The following ETV1 variants were observed in gnomAD, a reference collection of about 807,000 sequenced individuals.
The protein encoded by ETV1 is ETS variant transcription factor 1.
Under a neutral mutation model 62.3 loss-of-function variants are expected in ETV1, and 27 were observed. That is an observed-to-expected ratio of 0.43 (90% CI 0.32 to 0.60). The LOEUF (loss-of-function observed/expected upper bound fraction) is 0.60, where lower values mean the gene tolerates loss of function less well. ETV1 is among the 20% of genes least tolerant of loss of function. ETV1 has a pLI of 0.06. For synonymous variants in ETV1, 222 were observed against 199.6 expected (o/e 1.11, Z -0.94); for missense variants, 605 against 605.8 (o/e 1.00, Z 0.01).
chr7:13,979,813 G>C (rs562427375), intron 5 of ETV1, among the ~76,000 whole-genome samples: 13 of 152,194 alleles, frequency 8.5e-5, no homozygotes, highest in Middle Eastern at 6.8e-3. Context: ...GAATATGATG[G>C]TATGAATGTT....
chr7:13,988,703 C>T, intron 3 of ETV1: 2 of 1,612,434 alleles, frequency 1.2e-6, no homozygotes, highest in Non-Finnish European at 1.7e-6. Context: ...ATGTGGCAGA[C>T]AAACCCAGCC....
rs540394450 is a variant in ETV1 at position 13,897,405 on chromosome 7, A to G, written c.1213-1318T>C. On this transcript the variant is annotated intron_variant, in intron 13 of 13. Transcript: ENST00000430479. ...ATGCTGCTGCTCTGAATTCAAATTT[A>G]GAACATTTTTTGTTTCTTTTGCCCT... Among the ~76,000 whole-genome samples, 11 of 152,358 alleles carry G rather than the reference A, an allele frequency of 7.2e-5. No homozygotes were observed. The South Asian group carries it at 8.3e-4, about 11-fold the overall frequency.
rs1224156507 is a variant in ETV1 at position 13,986,296 on chromosome 7, A to C, written c.181+342T>G. 3 of 1,506,732 alleles carry C rather than the reference A, an allele frequency of 2.0e-6. No homozygotes were observed. In the East Asian group the frequency reaches 7.4e-5, roughly 37 times the overall value. The allele number at this position is 1,506,732 out of a possible 1,614,324, so 93.3% of individuals were successfully genotyped here. A position where few individuals can be genotyped will look rare whatever the true frequency, so the allele number is the denominator to read the frequency against. On this transcript the variant is annotated intron_variant, in intron 5 of 13. Transcript: ENST00000430479. ...AGCAAGCCAGCCGGGTTCTGGCTCT[A>C]GGAGGTCTCTGGAGGTACAATAATA...
intron 8 of ETV1, among the ~76,000 whole-genome samples, chr7:13,935,021 C>T (rs893523091): frequency 2.6e-5 from 4 of 152,144 alleles, no homozygotes; most frequent in Non-Finnish European, 4.4e-5. Context: ...ATCTCAGAAC[C>T]TCTACAGGTT....
At chr7:13,899,534 T>C (rs1782196825) in intron 13 of ETV1, among the ~76,000 whole-genome samples, 5 of 152,210 alleles carry the variant, frequency 3.3e-5, no homozygotes, top group African/African-American at 4.8e-5. Context: ...GCAACTGGTC[T>C]AGTTTTTCTG....
chr7:13,908,156 T>A (rs977809106), intron 11 of ETV1, among the ~76,000 whole-genome samples: 2 of 152,154 alleles, frequency 1.3e-5, no homozygotes, highest in Admixed American at 6.5e-5. Flanking sequence ...TTTCTTCTTG[T>A]TCTACATTAC....
chr7:13,900,168 T>C (rs1329328942), intron 13 of ETV1, among the ~76,000 whole-genome samples: 2 of 152,206 alleles, frequency 1.3e-5, no homozygotes, highest in East Asian at 3.9e-4. Flanking sequence ...TCAAATATTA[T>C]GGGAAGCTCA....
At chr7:13,983,977 T>C (rs1210865162) in intron 5 of ETV1, among the ~76,000 whole-genome samples, 3 of 151,826 alleles carry the variant, frequency 2.0e-5, no homozygotes, top group Non-Finnish European at 4.4e-5. Flanking sequence ...GACTAATCCA[T>C]ATGTTGCATT....
chr7:13,986,733 T>A, intron 4 of ETV1, 48 bp from the exon 5 acceptor site: 1 of 1,259,306 alleles, frequency 7.9e-7, no homozygotes, highest in Non-Finnish European at 1.1e-6. Context: ...AAATCTTTAA[T>A]CTTCATTAAA....
chr7:13,949,290 T>C (rs1788524238), intron 6 of ETV1, among the ~76,000 whole-genome samples: 1 of 152,162 alleles, frequency 6.6e-6, no homozygotes, highest in Non-Finnish European at 1.5e-5. Context: ...ATATATGTAG[T>C]TAGGAATACA....
chr7:13,933,607 C>T (rs1483959689), intron 8 of ETV1, among the ~76,000 whole-genome samples: 1 of 152,108 alleles, frequency 6.6e-6, no homozygotes, highest in Non-Finnish European at 1.5e-5. Context: ...GGGTGCCTGG[C>T]TGGAGGGGGT....
intron 6 of ETV1, among the ~76,000 whole-genome samples, chr7:13,962,712 T>A (rs1418115587): frequency 6.6e-6 from 1 of 152,106 alleles, no homozygotes; most frequent in African/African-American, 2.4e-5. Flanking sequence ...AGCACAAGCA[T>A]AAAGATTTTC....
chr7:13,945,409 T>A (rs536641721), intron 6 of ETV1, among the ~76,000 whole-genome samples: 133 of 152,086 alleles, frequency 8.7e-4, no homozygotes, highest in Non-Finnish European at 1.4e-3. Context: ...GTTCAACCTA[T>A]GTGGGCCTCA....
chr7:13,976,971 T>C (rs1022215750), intron 6 of ETV1, among the ~76,000 whole-genome samples: 3 of 152,176 alleles, frequency 2.0e-5, no homozygotes, highest in Non-Finnish European at 4.4e-5. Flanking sequence ...AATACTACAA[T>C]AAGCCAATGA....
upstream of ETV1, chr7:13,990,377 T>G (rs1299170167): frequency 6.6e-6 from 1 of 152,168 alleles, no homozygotes; most frequent in African/African-American, 2.4e-5. Context: ...CAGAGCAAGC[T>G]AGGTGAAAAA....
chr7:13,989,293 T>G lies in ETV1; in HGVS notation c.-113A>C. The G allele has an allele frequency of 4.0e-6, 2 of 503,104 alleles. No homozygotes were observed. The highest frequency in any genetic ancestry group is 6.5e-5 in the East Asian group (2 of 30,944). 31.2% of individuals were successfully genotyped at this position (503,104 alleles called of 1,614,324 possible). A position where few individuals can be genotyped will look rare whatever the true frequency, so the allele number is the denominator to read the frequency against. ...CTGGATCCAAAGAGAGCCAACAGAG[T>G]TCACAATTTACATATTTTCGGTAGT... On this transcript the variant is annotated 5_prime_UTR_variant, in exon 2 of 14. Coordinates refer to ENST00000430479, the MANE Select transcript of ETV1 (RefSeq NM_004956.5).
intron 13 of ETV1, among the ~76,000 whole-genome samples, chr7:13,898,632 C>A (rs1180844823): frequency 2.6e-5 from 4 of 152,018 alleles, no homozygotes; most frequent in Admixed American, 1.3e-4. Flanking sequence ...TTATTTTTCT[C>A]TAATCTTCTA....
At chr7:13,907,567 T>G (rs1583582639) in intron 11 of ETV1, among the ~76,000 whole-genome samples, 1 of 152,136 alleles carries the variant, frequency 6.6e-6, no homozygotes, top group Admixed American at 6.6e-5. Flanking sequence ...CAAAGTTTCA[T>G]GACTTCTGAT....
At chr7:13,909,023 T>C (rs1416265934) in intron 11 of ETV1, among the ~76,000 whole-genome samples, 2 of 151,926 alleles carry the variant, frequency 1.3e-5, no homozygotes, top group Admixed American at 1.3e-4. Flanking sequence ...TTTTCTAACA[T>C]CTGAGACCTC....
Sources: allele counts gnomAD v4.1 joint callset (sites outside exome capture counted in the v4.1 genomes callset), GRCh38; gene constraint gnomAD v4.1.1; transcripts MANE v1.5; gene names NCBI Gene and HGNC (gene_info 2026-07-23, HGNC 2026-07-21).